The following DLG2 variants were observed in gnomAD, a reference collection of about 807,000 sequenced individuals.
DLG2 encodes the protein disks large homolog 2.
DLG2 carries 45 observed loss-of-function variants against 132.5 expected under a neutral mutation model. The observed-to-expected ratio is 0.34, with a 90% CI of 0.27 to 0.44. DLG2 has a LOEUF of 0.44. Among genes scored for constraint, DLG2 ranks in the 20% least tolerant of loss-of-function variants. DLG2 has a pLI of 1.00. For synonymous variants in DLG2, 424 were observed against 419.6 expected (o/e 1.01, Z -0.13); for missense variants, 1,045 against 1,196.9 (o/e 0.87, Z 1.87).
intron 3 of DLG2, among the ~76,000 whole-genome samples, chr11:85,444,194 T>C (rs1343398931): frequency 6.6e-6 from 1 of 152,160 alleles, no homozygotes; most frequent in Non-Finnish European, 1.5e-5. Flanking sequence ...AAATCAAAAA[T>C]CTTTTGGAAA....
intron 11 of DLG2, among the ~76,000 whole-genome samples, chr11:84,024,578 A>T (rs1300674835): frequency 6.6e-6 from 1 of 152,172 alleles, no homozygotes; most frequent in Non-Finnish European, 1.5e-5. Context: ...TTCACCCTTT[A>T]AAAAGGAGAA....
chr11:83,819,772 C>G (rs1383141751), intron 17 of DLG2, among the ~76,000 whole-genome samples: 2 of 152,042 alleles, frequency 1.3e-5, no homozygotes. Flanking sequence ...TAACTATTGA[C>G]CTTTTCCTGA....
intron 4 of DLG2, among the ~76,000 whole-genome samples, chr11:85,249,825 G>T (rs912020017): frequency 1.3e-5 from 2 of 152,126 alleles, no homozygotes; most frequent in Non-Finnish European, 2.9e-5. Flanking sequence ...AGATGAATTT[G>T]CATATTTCCT....
At chr11:83,982,152 T>C (rs986114184) in intron 11 of DLG2, among the ~76,000 whole-genome samples, 3 of 152,182 alleles carry the variant, frequency 2.0e-5, no homozygotes, top group Non-Finnish European at 1.5e-5. Flanking sequence ...TTGATAATGA[T>C]AATAAATAAC....
intron 11 of DLG2, among the ~76,000 whole-genome samples, chr11:84,026,176 T>A (rs1166821635): frequency 6.6e-6 from 1 of 152,010 alleles, no homozygotes; most frequent in Non-Finnish European, 1.5e-5. Context: ...AGGAATGAAC[T>A]CTACTGAGGT....
chr11:83,690,480 C>A (rs1445148540), intron 18 of DLG2, among the ~76,000 whole-genome samples: 3 of 151,984 alleles, frequency 2.0e-5, no homozygotes, highest in African/African-American at 7.3e-5. Flanking sequence ...GCTCTCCCCC[C>A]TCAAAGGTCA....
intron 16 of DLG2, among the ~76,000 whole-genome samples, chr11:83,860,366 C>G (rs1029282724): frequency 6.6e-6 from 1 of 152,170 alleles, no homozygotes; most frequent in African/African-American, 2.4e-5. Flanking sequence ...CCATGGGAAC[C>G]CACCTCTTAC....
intron 5 of DLG2, among the ~76,000 whole-genome samples, chr11:85,143,646 T>C (rs1243096942): frequency 6.6e-6 from 1 of 151,752 alleles, no homozygotes; most frequent in African/African-American, 2.4e-5. Context: ...ATTTGTTTCA[T>C]AAAATCTTAA....
intron 7 of DLG2, among the ~76,000 whole-genome samples, chr11:84,292,715 A>C (rs1047974832): frequency 2.0e-5 from 3 of 152,156 alleles, no homozygotes; most frequent in Non-Finnish European, 4.4e-5. Context: ...TAGATGCGAG[A>C]AATTACATAC....
At chr11:84,492,423 G>C (rs1268648131) in intron 7 of DLG2, among the ~76,000 whole-genome samples, 2 of 152,200 alleles carry the variant, frequency 1.3e-5, no homozygotes, top group East Asian at 1.9e-4. Flanking sequence ...TGTTCTACTG[G>C]ATTAGGCTTT....
intron 16 of DLG2, among the ~76,000 whole-genome samples, chr11:83,868,988 A>T (rs1380681771): frequency 6.6e-6 from 1 of 152,176 alleles, no homozygotes; most frequent in Non-Finnish European, 1.5e-5. Flanking sequence ...TACGCTCCAT[A>T]ACTAGGAATA....
chr11:85,445,697 T>C (rs1469903286), intron 3 of DLG2, among the ~76,000 whole-genome samples: 1 of 151,926 alleles, frequency 6.6e-6, no homozygotes, highest in African/African-American at 2.4e-5. Context: ...ACAAAAAGAT[T>C]GAAAGCACTA....
chr11:84,430,221 AG>A (rs1365347945), intron 7 of DLG2, among the ~76,000 whole-genome samples: 2 of 152,124 alleles, frequency 1.3e-5, no homozygotes, highest in Admixed American at 6.6e-5. Flanking sequence ...GTAGATCACA[AG>A]GTCAGGAGAT....
At chr11:83,559,083 A>G (rs980392640) in intron 19 of DLG2, among the ~76,000 whole-genome samples, 10 of 152,172 alleles carry the variant, frequency 6.6e-5, no homozygotes, top group Middle Eastern at 3.2e-3. Context: ...TGGAATAGGT[A>G]GTATTTGTTG....
chr11:83,602,001 C>G (rs1161003495), intron 19 of DLG2, among the ~76,000 whole-genome samples: 1 of 152,184 alleles, frequency 6.6e-6, no homozygotes, highest in African/African-American at 2.4e-5. Flanking sequence ...CACTTTGCCA[C>G]AGACCCCTCT....
intron 17 of DLG2, among the ~76,000 whole-genome samples, chr11:83,788,836 T>C (rs1376342535): frequency 6.6e-6 from 1 of 152,250 alleles, no homozygotes; most frequent in Non-Finnish European, 1.5e-5. Flanking sequence ...GAACCACTTT[T>C]ATGGATACTT....
chr11:85,485,939 G>C (rs997230746), intron 3 of DLG2, among the ~76,000 whole-genome samples: 1 of 152,178 alleles, frequency 6.6e-6, no homozygotes, highest in African/African-American at 2.4e-5. Context: ...GGACGGGAAA[G>C]GGGAGACTGG....
chr11:84,226,647 T>G (rs1168313762), intron 8 of DLG2, among the ~76,000 whole-genome samples: 2 of 152,254 alleles, frequency 1.3e-5, no homozygotes, highest in Admixed American at 6.5e-5. Flanking sequence ...TAAATCAATT[T>G]GTTTAATCCT....
At chr11:84,129,692 A>G (rs576015643) in intron 9 of DLG2, among the ~76,000 whole-genome samples, 8 of 144,654 alleles carry the variant, frequency 5.5e-5, no homozygotes, top group African/African-American at 2.3e-4. Context: ...ACATTGTATT[A>G]GAGACAAACT....
Sources: allele counts gnomAD v4.1 joint callset (sites outside exome capture counted in the v4.1 genomes callset), GRCh38; gene constraint gnomAD v4.1.1; transcripts MANE v1.5; gene names NCBI Gene and HGNC (gene_info 2026-07-23, HGNC 2026-07-21).